The following PPP3CA variants were observed in gnomAD, a reference collection of about 807,000 sequenced individuals.
PPP3CA encodes the protein protein phosphatase 3 catalytic subunit alpha.
PPP3CA carries 14 observed loss-of-function variants against 66.5 expected under a neutral mutation model. The observed-to-expected ratio is 0.21, with a 90% confidence interval of 0.14 to 0.33. The LOEUF is 0.33. Ranked by LOEUF, PPP3CA falls within the 10% of genes least tolerant of loss-of-function variation. The pLI, the probability that PPP3CA is intolerant of heterozygous loss-of-function variation, is 1.00. For synonymous variants in PPP3CA, 232 were observed against 226.2 expected (o/e 1.03, Z -0.23); for missense variants, 317 against 639.5 (o/e 0.50, Z 5.44).
chr4:101,298,337 G>GATATAT (rs1728258970), intron 1 of PPP3CA, among the ~76,000 whole-genome samples: 4 of 136,204 alleles, frequency 2.9e-5, no homozygotes, highest in African/African-American at 1.5e-4. Context: ...ACCAAGCAGG[G>GATATAT]AGATATATAT....
intron 1 of PPP3CA, among the ~76,000 whole-genome samples, chr4:101,236,506 G>C (rs550295782): frequency 6.6e-6 from 1 of 152,028 alleles, no homozygotes; most frequent in Non-Finnish European, 1.5e-5. Flanking sequence ...TGTAGGTAGC[G>C]AACTAGTAAA....
At chr4:101,183,117 T>C (rs974326324) in intron 2 of PPP3CA, among the ~76,000 whole-genome samples, 2 of 152,144 alleles carry the variant, frequency 1.3e-5, no homozygotes, top group African/African-American at 4.8e-5. Context: ...AGCTTAAATG[T>C]GATAAAAGCT....
chr4:101,098,599 G>C (rs1460669778), intron 4 of PPP3CA, 87 bp from the exon 5 acceptor site: 8 of 1,264,928 alleles, frequency 6.3e-6, no homozygotes, highest in Middle Eastern at 1.9e-4. Flanking sequence ...AAGTTTTCTT[G>C]CTAGGACCCT....
At chr4:101,113,133 G>C (rs1721728353) in intron 2 of PPP3CA, among the ~76,000 whole-genome samples, 1 of 152,134 alleles carries the variant, frequency 6.6e-6, no homozygotes. Context: ...TTTCAATACA[G>C]TGTGCAGCAA....
intron 2 of PPP3CA, among the ~76,000 whole-genome samples, chr4:101,131,296 C>CTGGCAAATGGGATACAGAGTCA: frequency 6.7e-6 from 1 of 149,004 alleles, no homozygotes; most frequent in South Asian, 2.1e-4. Context: ...AAGGCACAGA[C>CTGGCAAATGGGATACAGAGTCA]TGGCAAATGG....
intron 10 of PPP3CA, among the ~76,000 whole-genome samples, chr4:101,055,339 T>C (rs1468667520): frequency 6.6e-6 from 1 of 152,112 alleles, no homozygotes. Context: ...TGAGATACCT[T>C]TACTTGGATT....
intron 1 of PPP3CA, among the ~76,000 whole-genome samples, chr4:101,238,515 G>A (rs1392580114): frequency 6.6e-6 from 1 of 151,844 alleles, no homozygotes; most frequent in African/African-American, 2.4e-5. Flanking sequence ...ATGAAAAAAA[G>A]TTTTAGCTTA....
chr4:101,051,151 G>A (rs537374761), intron 10 of PPP3CA, among the ~76,000 whole-genome samples: 4 of 152,192 alleles, frequency 2.6e-5, no homozygotes, highest in African/African-American at 9.6e-5. Context: ...GAGACAAAAC[G>A]GGAGGACAGC....
chr4:101,269,510 T>TCTGTGC (rs1727267332), intron 1 of PPP3CA, among the ~76,000 whole-genome samples: 1 of 135,590 alleles, frequency 7.4e-6, no homozygotes, highest in South Asian at 2.3e-4. Context: ...TTTGTCTTCT[T>TCTGTGC]ATCATGCACA....
intron 2 of PPP3CA, among the ~76,000 whole-genome samples, chr4:101,144,268 C>T (rs932874483): frequency 6.6e-6 from 1 of 152,136 alleles, no homozygotes; most frequent in Non-Finnish European, 1.5e-5. Context: ...TTACTAAATA[C>T]CCTTTGGAAT....
At position 101,275,559 on chromosome 4, in the gene PPP3CA, T is replaced by C. The variant is rs544479796; in HGVS notation, c.58+71180A>G. Reference sequence around the variant, plus strand: ...ATTATTTTCAAATACACGAGGCTTATCTGAGAAAAACAACAAATGACTTCA... The same window carrying C: ...ATTATTTTCAAATACACGAGGCTTACCTGAGAAAAACAACAAATGACTTCA... On this transcript the variant is annotated intron_variant, in intron 1 of 13. Transcript: ENST00000394854. Among the ~76,000 whole-genome samples the C allele has an allele frequency of 4.6e-5, 7 of 152,302 alleles. No homozygotes were observed. The South Asian group carries it at 8.3e-4, about 18-fold the overall frequency.
At chr4:101,309,980 A>G (rs568283484) in intron 1 of PPP3CA, among the ~76,000 whole-genome samples, 1 of 152,324 alleles carries the variant, frequency 6.6e-6, no homozygotes, top group African/African-American at 2.4e-5. Context: ...CAGTATTTCA[A>G]ATGAAAAGAT....
At chr4:101,096,025 C>T (rs1274304362) in intron 5 of PPP3CA, among the ~76,000 whole-genome samples, 1 of 152,038 alleles carries the variant, frequency 6.6e-6, no homozygotes, top group Non-Finnish European at 1.5e-5. Flanking sequence ...GACCAATGCT[C>T]TATGCTCTAT....
At chr4:101,169,307 G>T (rs1364957945) in intron 2 of PPP3CA, among the ~76,000 whole-genome samples, 1 of 152,176 alleles carries the variant, frequency 6.6e-6, no homozygotes, top group Non-Finnish European at 1.5e-5. Flanking sequence ...TTAGCACAGT[G>T]CGTAGAGAAG....
chr4:101,269,380 C>CA (rs139546137), intron 1 of PPP3CA, among the ~76,000 whole-genome samples: 98,427 of 151,216 alleles, frequency 0.65, 33,106 homozygotes, highest in Non-Finnish European at 0.75. Context: ...GCTTTGAACA[C>CA]TATGGCCCCC....
rs1169092691 is a variant in PPP3CA, at chr4:101,207,572, T to C, written c.59-11456A>G. ...GGCTGGGCACAGTGTCGAATACCTGTAATCCCAGCACTGGGAGGCCGAGGT... is the reference window on the plus strand; with the variant it reads ...GGCTGGGCACAGTGTCGAATACCTGCAATCCCAGCACTGGGAGGCCGAGGT... On this transcript the variant is annotated intron_variant, in intron 1 of 13. Transcript: ENST00000394854. 3.9e-5 allele frequency among the ~76,000 whole-genome samples: 6 copies of C among 152,280 alleles called. No individual in the cohort carries two copies. The East Asian group carries it at 1.2e-3, about 29-fold the overall frequency.
chr4:101,029,858 C>T (rs958266839), intron 12 of PPP3CA, among the ~76,000 whole-genome samples: 3 of 150,578 alleles, frequency 2.0e-5, no homozygotes, highest in Non-Finnish European at 4.4e-5. Context: ...AAAAAGGAAA[C>T]GAATGATATA....
intron 2 of PPP3CA, among the ~76,000 whole-genome samples, chr4:101,130,398 G>A (rs543398023): frequency 2.6e-5 from 4 of 152,196 alleles, no homozygotes; most frequent in African/African-American, 9.6e-5. Context: ...GAAACACAGA[G>A]AGCACCACAA....
At chr4:101,034,001 T>G (rs1484984461) in intron 11 of PPP3CA, among the ~76,000 whole-genome samples, 1 of 152,126 alleles carries the variant, frequency 6.6e-6, no homozygotes, top group Non-Finnish European at 1.5e-5. Flanking sequence ...ACAGCTGTTC[T>G]CAGTATGGCA....
Sources: allele counts gnomAD v4.1 joint callset (sites outside exome capture counted in the v4.1 genomes callset), GRCh38; gene constraint gnomAD v4.1.1; transcripts MANE v1.5; gene names NCBI Gene and HGNC (gene_info 2026-07-23, HGNC 2026-07-21).